RHOU: variants seen among roughly 807,000 people sequenced by gnomAD.
The protein encoded by RHOU is rho-related GTP-binding protein RhoU.
A neutral mutation model predicts 12.6 loss-of-function variants in RHOU; 8 were observed. The observed-to-expected ratio is 0.64, with a 90% CI of 0.37 to 1.15. The LOEUF (loss-of-function observed/expected upper bound fraction) is 1.15. RHOU is among the 50% of genes most tolerant of loss of function. The probability of loss-of-function intolerance (pLI) is 0.01; values close to 1 mark genes in which losing one functional copy is unlikely to be tolerated. For missense variants in RHOU, 258 were observed against 347.0 expected (o/e 0.74, Z 2.04); for synonymous variants, 161 against 147.4 (o/e 1.09, Z -0.67).
At chr1:228,667,158 G>C in the RHOU span, among the ~76,000 whole-genome samples, 1 of 152,164 alleles carries the variant, frequency 6.6e-6, no homozygotes, top group South Asian at 2.1e-4. Flanking sequence ...ACCTAAATAG[G>C]TTCATTTAAC....
chr1:228,690,485 C>G, the RHOU span, among the ~76,000 whole-genome samples: 1 of 152,040 alleles, frequency 6.6e-6, no homozygotes, highest in African/African-American at 2.4e-5. Flanking sequence ...ACCACCACGC[C>G]TGGCTAATTT....
Position 228,738,158 on chromosome 1 carries a change from A to C in RHOU, c.321+427A>C, listed in dbSNP as rs1448269776. On this transcript the variant is annotated intron_variant, in intron 2 of 2. Transcript: ENST00000366691. The surrounding 1 kb of genome is among the most constrained non-coding windows in gnomAD (Gnocchi z 4.2). ...GAAATTTGCTCAAGAAAAAGATGGA[A>C]TTTACATCAGTAAGGGTTAATATTT... 6.6e-6 allele frequency among the ~76,000 whole-genome samples: 1 copy of C among 152,224 alleles called. No homozygotes were observed. Among genetic ancestry groups the C allele is most frequent in the Non-Finnish European group, 1.5e-5 (1 of 68,038 alleles).
the RHOU span, among the ~76,000 whole-genome samples, chr1:228,704,584 A>G: frequency 6.6e-6 from 1 of 151,602 alleles, no homozygotes; most frequent in East Asian, 1.9e-4. Context: ...CAGCCTCCCA[A>G]GCAGCTGGGA....
At chr1:228,659,410 A>T in the RHOU span, among the ~76,000 whole-genome samples, 6 of 152,188 alleles carry the variant, frequency 3.9e-5, no homozygotes, top group South Asian at 1.2e-3. Flanking sequence ...AAAAAACACC[A>T]AAAAGATCTC....
the RHOU span, among the ~76,000 whole-genome samples, chr1:228,675,728 T>TG: frequency 6.6e-6 from 1 of 152,306 alleles, no homozygotes; most frequent in Non-Finnish European, 1.5e-5. Context: ...TATGAAAACT[T>TG]AACAAAACTA....
At chr1:228,697,868 G>A in the RHOU span, among the ~76,000 whole-genome samples, 2 of 152,142 alleles carry the variant, frequency 1.3e-5, no homozygotes, top group Admixed American at 1.3e-4. Context: ...TTTTTGGGGT[G>A]ACTAGTTTGT....
At chr1:228,709,545 G>A in the RHOU span, among the ~76,000 whole-genome samples, 1 of 145,898 alleles carries the variant, frequency 6.9e-6, no homozygotes, top group South Asian at 2.2e-4. Flanking sequence ...TGAACAACCT[G>A]CTCCTGAATG....
the RHOU span, among the ~76,000 whole-genome samples, chr1:228,682,935 A>G: frequency 6.6e-6 from 1 of 152,164 alleles, no homozygotes; most frequent in Non-Finnish European, 1.5e-5. Flanking sequence ...AGTGGAGTGA[A>G]GTAGCCCCAT....
chr1:228,719,411 T>C, the RHOU span, among the ~76,000 whole-genome samples: 1 of 152,196 alleles, frequency 6.6e-6, no homozygotes, highest in African/African-American at 2.4e-5. Flanking sequence ...AGGGAACTAA[T>C]ATTTACTGAG....
At chr1:228,687,717 G>T in the RHOU span, 2 of 1,466,186 alleles carry the variant, frequency 1.4e-6, no homozygotes, top group Non-Finnish European at 1.9e-6. Context: ...AGCCATCAAA[G>T]AATTGGGTGA....
the RHOU span, among the ~76,000 whole-genome samples, chr1:228,648,320 C>T: frequency 2.8e-4 from 43 of 152,348 alleles, no homozygotes; most frequent in South Asian, 8.3e-3. Flanking sequence ...GCCTTTTCCC[C>T]TGCCCAAGCT....
At chr1:228,666,234 A>G in the RHOU span, among the ~76,000 whole-genome samples, 1 of 152,334 alleles carries the variant, frequency 6.6e-6, no homozygotes, top group African/African-American at 2.4e-5. Context: ...TGCTAGGATT[A>G]CAGGTGTGAG....
the RHOU span, among the ~76,000 whole-genome samples, chr1:228,685,133 T>C: frequency 1.3e-5 from 2 of 152,212 alleles, no homozygotes; most frequent in East Asian, 3.8e-4. Flanking sequence ...GGTAGGAGCG[T>C]AGCAGTGAGG....
the RHOU span, among the ~76,000 whole-genome samples, chr1:228,691,085 A>ATT: frequency 6.0e-5 from 9 of 149,464 alleles, no homozygotes; most frequent in East Asian, 2.0e-4. Flanking sequence ...TCAGCTTATA[A>ATT]TTTTTTTTTT....
the RHOU span, among the ~76,000 whole-genome samples, chr1:228,704,069 G>A: frequency 7.9e-5 from 12 of 152,218 alleles, no homozygotes; most frequent in Middle Eastern, 6.8e-3. Context: ...TATTGTTTAT[G>A]TAAAAATGAA....
At chr1:228,669,874 C>G in the RHOU span, among the ~76,000 whole-genome samples, 1 of 152,134 alleles carries the variant, frequency 6.6e-6, no homozygotes, top group East Asian at 1.9e-4. Context: ...TGGTGCACTT[C>G]AAACTGAAAA....
chr1:228,660,560 A>T, the RHOU span, among the ~76,000 whole-genome samples: 15 of 152,040 alleles, frequency 9.9e-5, no homozygotes, highest in South Asian at 2.3e-3. Context: ...AGATTGATGT[A>T]TAAAAATCCT....
chr1:228,690,189 GTTT>G, the RHOU span, among the ~76,000 whole-genome samples: 1 of 151,760 alleles, frequency 6.6e-6, no homozygotes, highest in African/African-American at 2.4e-5. Context: ...GTTTGTTTTT[GTTT>G]TTTAGAGCAG....
At chr1:228,657,319 TAA>T in the RHOU span, among the ~76,000 whole-genome samples, 3 of 74,190 alleles carry the variant, frequency 4.0e-5, no homozygotes, top group Non-Finnish European at 2.9e-5. Flanking sequence ...AGAAAAAGAA[TAA>T]AAAAAAAAGA....
Sources: gnomAD v4.1 joint callset for allele counts (sites outside exome capture counted in the v4.1 genomes callset) on GRCh38, gnomAD v4.1.1 for gene constraint, Gnocchi (gnomAD v3.1) non-coding constraint, MANE v1.5 for transcripts, NCBI Gene and HGNC (gene_info 2026-07-23, HGNC 2026-07-21) for gene names.